Variants in BRCA1 observed in about 807,000 individuals in gnomAD.
BRCA1 encodes BRCA1 DNA repair associated, also known as breast cancer type 1 susceptibility protein.
Under a neutral mutation model 173.7 loss-of-function variants are expected in BRCA1, and 140 were observed. The observed-to-expected ratio is 0.81, with a 90% CI of 0.70 to 0.93. BRCA1 has a LOEUF of 0.93. BRCA1 is among the 40% of genes least tolerant of loss of function. The pLI is 0.00. For missense variants in BRCA1, 1,983 were observed against 2,172.5 expected, an observed-to-expected ratio of 0.91 and a Z score of 1.73; for synonymous variants, 662 against 756.0, an observed-to-expected ratio of 0.88 and a Z score of 2.04.
chr17:43,091,038 A>C lies in BRCA1; in HGVS notation c.4097-6T>G. 1 of 1,610,444 alleles carries C rather than the reference A, an allele frequency of 6.2e-7. No homozygotes were observed. Among genetic ancestry groups the C allele is most frequent in the Non-Finnish European group, 8.5e-7 (1 of 1,178,228 alleles). On this transcript the variant is annotated splice_region_variant and splice_polypyrimidine_tract_variant and intron_variant, in intron 10 of 22. Coordinates refer to ENST00000357654, the MANE Select transcript of BRCA1 (RefSeq NM_007294.4). ...ACACCCAGATGCTGCTTCACCTTAA[A>C]TAACAAAAACAGAGGTTCAGATGTA...
chr17:43,142,264 T>C (rs2056080904), intron 1 of BRCA1, among the ~76,000 whole-genome samples: 1 of 152,134 alleles, frequency 6.6e-6, no homozygotes, highest in South Asian at 2.1e-4. Context: ...CTCACCCCTA[T>C]TACAGAGCTG....
intron 17 of BRCA1, 124 bp from the exon 18 acceptor site, chr17:43,063,497 C>A: frequency 1.3e-6 from 1 of 798,650 alleles, no homozygotes; most frequent in Non-Finnish European, 2.1e-6. Context: ...GTCCTTCCCT[C>A]TAAAGCCACA....
intron 19 of BRCA1, among the ~76,000 whole-genome samples, chr17:43,053,691 T>G (rs573888561): frequency 5.9e-5 from 9 of 151,904 alleles, no homozygotes; most frequent in African/African-American, 2.2e-4. Context: ...ATTTGAAGTT[T>G]CAGGCCGGGC....
rs2054001685 is a variant in BRCA1, at chr17:43,094,482, C to T, written c.1049G>A (p.Arg350Lys). ...CAGTTTCTGCTTATTCCATTCTTTTCTCTCACACAGGGGATCAGCATTCAG... is the reference window on the plus strand; with the variant it reads ...CAGTTTCTGCTTATTCCATTCTTTTTTCTCACACAGGGGATCAGCATTCAG... Reference protein sequence around the residue: ...VDLNADPLCERKEWNKQKLPC... With the variant: ...VDLNADPLCEKKEWNKQKLPC... Residue 350 changes from arginine to lysine, a missense_variant, in exon 10 of 23, where the codon AGA becomes AAA. Arg to Lys is a conservative substitution (Grantham distance 26). Coordinates refer to ENST00000357654, the MANE Select transcript of BRCA1 (RefSeq NM_007294.4). 2 of 1,614,020 alleles carry T rather than the reference C, an allele frequency of 1.2e-6. No homozygotes were observed. The highest frequency in any genetic ancestry group is 1.7e-6 in the Non-Finnish European group (2 of 1,180,024).
rs562679568 is a variant in BRCA1 at position 43,084,762 on chromosome 17, G to A, written c.4186-2187C>T. Among the ~76,000 whole-genome samples, 96 of 152,230 alleles carry A rather than the reference G, an allele frequency of 6.3e-4. 1 individual carries two copies. In the South Asian group the frequency reaches 0.018, roughly 29 times the overall value. ...TCTGCAGCAATGCCATTGCCACCACGTGGTACTCGTGAGTAGTTACATCAC... is the reference window on the plus strand; with the variant it reads ...TCTGCAGCAATGCCATTGCCACCACATGGTACTCGTGAGTAGTTACATCAC... On this transcript the variant is annotated intron_variant, in intron 11 of 22. Coordinates refer to ENST00000357654, the MANE Select transcript of BRCA1 (RefSeq NM_007294.4).
In BRCA1 at chr17:43,067,890, T is replaced by TA. The variant is rs71157702; in HGVS notation, c.4987-196dup. On this transcript the variant is annotated intron_variant, in intron 15 of 22. Transcript: ENST00000357654. ...CTTGCTCTGTCACCCAGGCTGGAGG[T>TA]AAAAAAAAAAAAAAAAAAAAAATAG... Among the ~76,000 whole-genome samples the TA allele has an allele frequency of 0.42, 21,161 of 50,120 alleles. 5,185 individuals carry two copies. The highest frequency in any genetic ancestry group is 0.66 in the East Asian group (1,203 of 1,810). 32.9% of individuals were successfully genotyped at this position (50,120 alleles called of 152,430 possible). A position where few individuals can be genotyped will look rare whatever the true frequency, so the allele number is the denominator to read the frequency against.
chr17:43,094,477 C>A lies in BRCA1; in HGVS notation c.1054G>T (p.Glu352Ter), dbSNP rs80357472. 1 of 1,614,032 alleles carries A rather than the reference C, an allele frequency of 6.2e-7. No individual in the cohort carries two copies. Among genetic ancestry groups the A allele is most frequent in the Non-Finnish European group, 8.5e-7 (1 of 1,180,030 alleles). Residue 352 changes from glutamate to a stop codon, truncating the protein, a stop_gained, in exon 10 of 23, where the codon GAA (glutamate) becomes TAA (stop). Coordinates refer to ENST00000357654, the MANE Select transcript of BRCA1 (RefSeq NM_007294.4). LOFTEE classifies it high-confidence loss of function. ...LNADPLCERK[E>*]WNKQKLPCSE... is the part of the protein sequence containing the mutation. ...CATGGCAGTTTCTGCTTATTCCATT[C>A]TTTTCTCTCACACAGGGGATCAGCA...
rs2154549989 is a variant in BRCA1, at chr17:43,104,241, C to T, written c.322G>A (p.Ala108Thr). 1 of 1,611,274 alleles carries T rather than the reference C, an allele frequency of 6.2e-7. No homozygotes were observed. The highest frequency in any genetic ancestry group is 1.7e-5 in the Admixed American group (1 of 59,900). ...TCAGGAGAGTTATTTTCCTTTTTTG[C>T]AAAATTATAGCTGTTTGCATCTGTA... ...GLEYANSYNFAKKENNSPEHL... is the reference protein window; with the variant it reads ...GLEYANSYNFTKKENNSPEHL... Residue 108 changes from alanine (A) to threonine (T), a missense_variant, in exon 6 of 23, where the codon GCA becomes ACA. Ala to Thr is a moderately conservative substitution (Grantham distance 58). Coordinates refer to ENST00000357654, the MANE Select transcript of BRCA1 (RefSeq NM_007294.4).
At chr17:43,139,049 T>G in intron 1 of BRCA1, 1 of 710,536 alleles carries the variant, frequency 1.4e-6, no homozygotes, top group Non-Finnish European at 2.6e-6. Context: ...TAGAGTAATT[T>G]CTGTTTTCCT....
chr17:43,085,686 C>A (rs2053202323), intron 11 of BRCA1, among the ~76,000 whole-genome samples: 1 of 152,062 alleles, frequency 6.6e-6, no homozygotes, highest in Non-Finnish European at 1.5e-5. Context: ...TAAGTCCCCA[C>A]CAGGAGGAGT....
chr17:43,107,718 G>T (rs2054858790), intron 3 of BRCA1, among the ~76,000 whole-genome samples: 1 of 152,284 alleles, frequency 6.6e-6, no homozygotes, highest in Non-Finnish European at 1.5e-5. Context: ...AACAAACAGT[G>T]TTGAGACAAA....
intron 14 of BRCA1, among the ~76,000 whole-genome samples, chr17:43,072,875 G>GA (rs1555581484): frequency 7.0e-6 from 1 of 142,914 alleles, no homozygotes; most frequent in Non-Finnish European, 1.5e-5. Flanking sequence ...GCCCCAGCTA[G>GA]TTTTTTTTTT....
chr17:43,154,178 ACT>A (rs2056181171), intron 1 of BRCA1, among the ~76,000 whole-genome samples: 4 of 151,304 alleles, frequency 2.6e-5, no homozygotes, highest in South Asian at 2.1e-4. Flanking sequence ...ACAGAGGAAG[ACT>A]CTGTCTCAAT....
At position 43,080,151 on chromosome 17, in the gene BRCA1, T is replaced by A. The variant is rs894510376; in HGVS notation, c.4357+2253A>T. Among the ~76,000 whole-genome samples, 9 of 152,300 alleles carry A rather than the reference T, an allele frequency of 5.9e-5. No homozygotes were observed. The East Asian group carries it at 1.7e-3, about 29-fold the overall frequency. ...ATTCCCTCATCTAGATGTCTTAACA[T>A]GTTACATTCTTTGTGGATAGGAAGT... is the stretch of plus-strand genomic sequence containing the variant. On this transcript the variant is annotated intron_variant, in intron 12 of 22. Transcript: ENST00000357654.
At chr17:43,057,026 TG>T in intron 19 of BRCA1, 25 bp downstream of exon 19, 1 of 1,610,204 alleles carries the variant, frequency 6.2e-7, no homozygotes, top group Non-Finnish European at 8.5e-7. Context: ...GTGAGATTTT[TG>T]TCAACTTGAG....
intron 12 of BRCA1, among the ~76,000 whole-genome samples, chr17:43,079,114 T>C (rs2052878565): frequency 6.6e-6 from 1 of 151,902 alleles, no homozygotes; most frequent in Non-Finnish European, 1.5e-5. Flanking sequence ...GCGGACATTG[T>C]AATGAGCCGA....
chr17:43,057,026 T>C (rs761772015), intron 19 of BRCA1, 26 bp downstream of exon 19: 1 of 1,610,204 alleles, frequency 6.2e-7, no homozygotes, highest in South Asian at 1.1e-5. Flanking sequence ...GTGAGATTTT[T>C]GTCAACTTGA....
At chr17:43,074,971 A>C (rs1183808412) in intron 13 of BRCA1, among the ~76,000 whole-genome samples, 1 of 151,384 alleles carries the variant, frequency 6.6e-6, no homozygotes, top group Non-Finnish European at 1.5e-5. Flanking sequence ...AAGAAAGAAA[A>C]GAAAAGGAAG....
At chr17:43,056,960 CT>C in intron 19 of BRCA1, 91 bp downstream of exon 19, 1 of 1,188,612 alleles carries the variant, frequency 8.4e-7, no homozygotes, top group Non-Finnish European at 1.3e-6. Flanking sequence ...TGTAATAAGT[CT>C]TACAAAATGA....
Sources: allele counts gnomAD v4.1 joint callset (sites outside exome capture counted in the v4.1 genomes callset), GRCh38; gene constraint gnomAD v4.1.1; transcripts MANE v1.5; gene names NCBI Gene and HGNC (gene_info 2026-07-23, HGNC 2026-07-21).